ZNF385D: variants seen among roughly 807,000 people sequenced by gnomAD.
The protein encoded by ZNF385D is zinc finger protein 659.
In ZNF385D, 15 loss-of-function variants were observed where a neutral mutation model predicts 35.8. The observed-to-expected ratio is 0.42, with a 90% CI of 0.28 to 0.64. The LOEUF is 0.64. Among genes scored for constraint, ZNF385D ranks in the 30% least tolerant of loss-of-function variants. The probability of loss-of-function intolerance (pLI) is 0.23; values close to 1 mark genes in which losing one functional copy is unlikely to be tolerated. For synonymous variants in ZNF385D, 212 were observed against 186.8 expected (o/e 1.13, Z -1.10); for missense variants, 474 against 494.6 (o/e 0.96, Z 0.39).
At chr3:21,567,682 A>T (rs542031462) in intron 2 of ZNF385D, among the ~76,000 whole-genome samples, 1 of 152,282 alleles carries the variant, frequency 6.6e-6, no homozygotes, top group African/African-American at 2.4e-5. Context: ...GGATAAGGTG[A>T]ATTATGCCTA....
chr3:22,276,163 A>T lies in ZNF385D; in HGVS notation c.106+96287T>A, dbSNP rs542022016. Among the ~76,000 whole-genome samples the T allele has an allele frequency of 6.2e-3, 943 of 151,462 alleles. 4 individuals are homozygous for T. The highest frequency in any genetic ancestry group is 0.022 in the African/African-American group (906 of 40,840). ...TCACAAAAATGAAAATTTATTATTT[A>T]TTATGAATTAATTTAAATTTCTTTT... On this transcript the variant is annotated intron_variant, in intron 2 of 5. Coordinates refer to the ZNF385D transcript ENST00000494108.
intron 3 of ZNF385D, chr3:21,511,582 G>C (rs1453255974): frequency 4.8e-6 from 2 of 419,722 alleles, no homozygotes; most frequent in East Asian, 7.1e-5. Flanking sequence ...GGAGCACACA[G>C]AAGCCGGGCA....
At position 21,888,338 on chromosome 3, in the gene ZNF385D, T is replaced by A. The variant is rs546392785; in HGVS notation, c.326-223310A>T. 9.9e-5 allele frequency among the ~76,000 whole-genome samples: 15 copies of A among 151,958 alleles called. No individual in the cohort carries two copies. The East Asian group carries it at 2.7e-3, about 27-fold the overall frequency. On this transcript the variant is annotated intron_variant, in intron 3 of 5. Transcript: ENST00000494108. Reference sequence around the variant, plus strand: ...GAGAGAAAGTAAAAAAGTAATAAAATAAAACAAAATAGGGGCCAAGGAAGA... The same window carrying A: ...GAGAGAAAGTAAAAAAGTAATAAAAAAAAACAAAATAGGGGCCAAGGAAGA...
chr3:21,526,750 G>T (rs967159026), intron 3 of ZNF385D, among the ~76,000 whole-genome samples: 2 of 152,088 alleles, frequency 1.3e-5, no homozygotes, highest in Non-Finnish European at 2.9e-5. Context: ...TGGAACAATA[G>T]ATTTTGAAAA....
At chr3:21,848,084 T>A (rs1165762375) in intron 3 of ZNF385D, among the ~76,000 whole-genome samples, 1 of 152,076 alleles carries the variant, frequency 6.6e-6, no homozygotes, top group Non-Finnish European at 1.5e-5. Flanking sequence ...TCAGTCCCAC[T>A]GTGACTGACT....
chr3:22,189,432 C>CT (rs752031265), intron 2 of ZNF385D, among the ~76,000 whole-genome samples: 1 of 152,068 alleles, frequency 6.6e-6, no homozygotes, highest in Non-Finnish European at 1.5e-5. Context: ...ACCTTGAGAT[C>CT]TTATATAAAA....
chr3:22,070,717 C>T (rs1241142309), intron 3 of ZNF385D, among the ~76,000 whole-genome samples: 1 of 151,954 alleles, frequency 6.6e-6, no homozygotes, highest in African/African-American at 2.4e-5. Flanking sequence ...AATGTTGAAG[C>T]TTTATTAAGG....
intron 2 of ZNF385D, among the ~76,000 whole-genome samples, chr3:21,642,876 T>G (rs760768952): frequency 3.9e-5 from 6 of 152,068 alleles, no homozygotes; most frequent in Non-Finnish European, 7.4e-5. Flanking sequence ...CATTTATACC[T>G]CATACCTACA....
intron 3 of ZNF385D, among the ~76,000 whole-genome samples, chr3:22,067,468 G>T (rs1700014025): frequency 2.0e-5 from 3 of 152,166 alleles, no homozygotes; most frequent in Non-Finnish European, 1.5e-5. Flanking sequence ...GTATAATATA[G>T]TTTCTGAGTT....
intron 3 of ZNF385D, chr3:22,168,760 C>T: frequency 1.1e-6 from 1 of 946,612 alleles, no homozygotes. Context: ...TCTGCAGGTA[C>T]ACAAATAACT....
intron 3 of ZNF385D, among the ~76,000 whole-genome samples, chr3:22,000,535 G>A (rs527422744): frequency 5.9e-5 from 9 of 152,036 alleles, no homozygotes; most frequent in Non-Finnish European, 1.2e-4. Flanking sequence ...AACAGCCCTT[G>A]GGGGTTGCTC....
chr3:22,325,052 T>C (rs759935431), intron 2 of ZNF385D, among the ~76,000 whole-genome samples: 3 of 152,176 alleles, frequency 2.0e-5, no homozygotes, highest in Non-Finnish European at 4.4e-5. Flanking sequence ...AATTAAATAA[T>C]GAAAATGCAA....
chr3:21,722,738 T>C lies in ZNF385D; in HGVS notation c.22+28157A>G, dbSNP rs189582357. 3.3e-5 allele frequency among the ~76,000 whole-genome samples: 5 copies of C among 152,356 alleles called. No individual in the cohort carries two copies. The East Asian group carries it at 7.7e-4, about 24-fold the overall frequency. On this transcript the variant is annotated intron_variant, in intron 1 of 7. Transcript: ENST00000281523. Reference sequence around the variant, plus strand: ...AAAGGAGATCAGATCCTCTTCTCCATGTTTCAAACCAATTTTGAAGCCTGC... The same window carrying C: ...AAAGGAGATCAGATCCTCTTCTCCACGTTTCAAACCAATTTTGAAGCCTGC...
intron 3 of ZNF385D, among the ~76,000 whole-genome samples, chr3:21,782,921 T>C (rs1420872846): frequency 1.3e-5 from 2 of 152,138 alleles, no homozygotes; most frequent in African/African-American, 2.4e-5. Flanking sequence ...GGCTTACTTA[T>C]ATGAAAATTC....
chr3:22,188,536 G>A (rs1003387584), intron 2 of ZNF385D, among the ~76,000 whole-genome samples: 15 of 151,676 alleles, frequency 9.9e-5, no homozygotes, highest in African/African-American at 3.4e-4. Context: ...TGCAAGCTCC[G>A]CTTCCCAGGT....
intron 1 of ZNF385D, among the ~76,000 whole-genome samples, chr3:21,717,055 C>A (rs1418235425): frequency 2.0e-5 from 3 of 152,142 alleles, no homozygotes; most frequent in Admixed American, 6.5e-5. Flanking sequence ...ATCGCTTGAA[C>A]CTGAGAGGTG....
intron 2 of ZNF385D, among the ~76,000 whole-genome samples, chr3:22,210,011 T>C (rs1419371230): frequency 2.6e-5 from 4 of 151,768 alleles, no homozygotes; most frequent in African/African-American, 4.8e-5. Context: ...TTAATAGTAT[T>C]ATATTCAATA....
chr3:21,976,013 AAAG>A lies in ZNF385D; in HGVS notation c.325+192801_325+192803del, dbSNP rs557013185. 2.4e-3 allele frequency among the ~76,000 whole-genome samples: 358 copies of A among 152,202 alleles called. 3 individuals carry two copies. Among genetic ancestry groups the A allele is most frequent in the African/African-American group, 8.1e-3 (336 of 41,532 alleles). ...ACCAGACTTCTACTTCAGAGCCTTC[AAAG>A]AAGAATGGCCCTAGCAAACACTCAG... On this transcript the variant is annotated intron_variant, in intron 3 of 5. Transcript: ENST00000494108.
intron 2 of ZNF385D, among the ~76,000 whole-genome samples, chr3:21,629,829 C>T (rs2065231971): frequency 6.6e-6 from 1 of 152,134 alleles, no homozygotes; most frequent in Non-Finnish European, 1.5e-5. Context: ...CTGGAACACA[C>T]TGGACTGGCT....
Sources: gnomAD v4.1 joint callset for allele counts (sites outside exome capture counted in the v4.1 genomes callset) on GRCh38, gnomAD v4.1.1 for gene constraint, MANE v1.5 for transcripts, NCBI Gene and HGNC (gene_info 2026-07-23, HGNC 2026-07-21) for gene names.